Variants in TC2N observed in about 807,000 individuals in gnomAD.
TC2N encodes tandem C2 domains nuclear protein.
TC2N carries 51 observed loss-of-function variants against 61.9 expected under a neutral mutation model. That is an observed-to-expected ratio of 0.82 (90% CI 0.66 to 1.04). The LOEUF is 1.04. TC2N is among the 50% of genes least tolerant of loss of function. The probability of loss-of-function intolerance (pLI) is 0.00; values close to 1 mark genes in which losing one functional copy is unlikely to be tolerated. For synonymous variants in TC2N, 204 were observed against 192.6 expected, an observed-to-expected ratio of 1.06 and a Z score of -0.49; for missense variants, 556 against 566.7, an observed-to-expected ratio of 0.98 and a Z score of 0.19.
chr14:91,804,031 AAGAC>A (rs1886387536), intron 3 of TC2N, among the ~76,000 whole-genome samples: 1 of 152,184 alleles, frequency 6.6e-6, no homozygotes, highest in Non-Finnish European at 1.5e-5. Context: ...CAATAAGAAA[AAGAC>A]AGACGAGACT....
chr14:91,853,759 T>C (rs1239932761), intron 1 of TC2N, among the ~76,000 whole-genome samples: 1 of 152,050 alleles, frequency 6.6e-6, no homozygotes, highest in African/African-American at 2.4e-5. Flanking sequence ...GCAGCACTCC[T>C]AGTTATTAAA....
chr14:91,865,554 A>C (rs144361583), intron 1 of TC2N, among the ~76,000 whole-genome samples: 165 of 152,158 alleles, frequency 1.1e-3, no homozygotes, highest in African/African-American at 3.5e-3. Flanking sequence ...TAATGAAGAG[A>C]TTTGCTAAGT....
At chr14:91,812,208 A>G (rs1886799265) in intron 3 of TC2N, 104 bp downstream of exon 3, 1 of 584,020 alleles carries the variant, frequency 1.7e-6, no homozygotes. Context: ...TAAAAAGTAA[A>G]ATAAAAAAAT....
intron 1 of TC2N, among the ~76,000 whole-genome samples, chr14:91,838,329 A>G (rs912092195): frequency 1.3e-5 from 2 of 151,944 alleles, no homozygotes; most frequent in African/African-American, 4.8e-5. Context: ...ATTTTTTTAT[A>G]GAGACAGGGT....
intron 1 of TC2N, among the ~76,000 whole-genome samples, chr14:91,848,076 T>C (rs1452147643): frequency 6.6e-6 from 1 of 152,210 alleles, no homozygotes; most frequent in Non-Finnish European, 1.5e-5. Context: ...CCAGCAAACC[T>C]CTTATCCCTT....
At chr14:91,853,031 A>C (rs1268874705) in intron 1 of TC2N, among the ~76,000 whole-genome samples, 2 of 152,200 alleles carry the variant, frequency 1.3e-5, no homozygotes, top group African/African-American at 2.4e-5. Flanking sequence ...AGATCCCGCC[A>C]CTGCACTCCA....
chr14:91,787,662 A>G (rs1445494420), intron 9 of TC2N, 35 bp from the exon 10 acceptor site: 1 of 1,296,646 alleles, frequency 7.7e-7, no homozygotes, highest in African/African-American at 1.5e-5. Context: ...GGTAGTTAAG[A>G]ATAAAGTTTT....
At position 91,802,353 on chromosome 14, in the gene TC2N, A is replaced by G. The variant is rs1396074932; in HGVS notation, c.370T>C (p.Tyr124His). The G allele has an allele frequency of 6.2e-7, 1 of 1,612,996 alleles. No individual in the cohort carries two copies. The highest frequency in any genetic ancestry group is 8.5e-7 in the Non-Finnish European group (1 of 1,179,672). Residue 124 changes from tyrosine to histidine, a missense_variant, in exon 4 of 12, where the codon TAT becomes CAT. Coordinates refer to ENST00000435962, the MANE Select transcript of TC2N (RefSeq NM_001128596.3). ...LSSSSQHGPS[Y>H]DVYNPFYMYQ... ...ATATAGAATGGGTTATACACATCATAGCTAGGTCCGTGCTGGGATGAACTG... is the reference window on the plus strand; with the variant it reads ...ATATAGAATGGGTTATACACATCATGGCTAGGTCCGTGCTGGGATGAACTG...
chr14:91,799,951 A>C (rs1304824090), intron 5 of TC2N, among the ~76,000 whole-genome samples: 1 of 152,136 alleles, frequency 6.6e-6, no homozygotes, highest in Non-Finnish European at 1.5e-5. Context: ...AATTTTTAAA[A>C]CTAGCTGGTT....
chr14:91,820,956 C>A (rs1887221522), intron 1 of TC2N, among the ~76,000 whole-genome samples: 1 of 151,902 alleles, frequency 6.6e-6, no homozygotes, highest in African/African-American at 2.4e-5. Flanking sequence ...TAAAGAAGAG[C>A]TCAATACTTG....
At chr14:91,808,977 A>G (rs1280310835) in intron 3 of TC2N, among the ~76,000 whole-genome samples, 1 of 152,168 alleles carries the variant, frequency 6.6e-6, no homozygotes, top group Non-Finnish European at 1.5e-5. Flanking sequence ...GTTAATAAGT[A>G]TGAAAAAAAA....
At chr14:91,848,105 A>T (rs1411649415) in intron 1 of TC2N, among the ~76,000 whole-genome samples, 1 of 152,222 alleles carries the variant, frequency 6.6e-6, no homozygotes, top group Non-Finnish European at 1.5e-5. Flanking sequence ...ATTAGGTCAC[A>T]TGCTTATTTT....
intron 8 of TC2N, among the ~76,000 whole-genome samples, chr14:91,794,441 T>C (rs549548327): frequency 6.6e-6 from 1 of 152,244 alleles, no homozygotes; most frequent in South Asian, 2.1e-4. Context: ...TTCAAAGGAC[T>C]AGGCTGACTC....
chr14:91,805,399 C>T (rs894269522), intron 3 of TC2N, among the ~76,000 whole-genome samples: 26 of 152,236 alleles, frequency 1.7e-4, no homozygotes, highest in African/African-American at 2.7e-4. Context: ...CCAGGCATGG[C>T]GGCTTACGCC....
intron 1 of TC2N, among the ~76,000 whole-genome samples, chr14:91,861,084 G>A (rs1888579559): frequency 6.6e-6 from 1 of 152,074 alleles, no homozygotes; most frequent in Non-Finnish European, 1.5e-5. Flanking sequence ...AAGGAGTGCT[G>A]GAAAGATGTT....
In TC2N at chr14:91,826,594, A is replaced by G. The variant is rs182470468; in HGVS notation, c.-56-12769T>C. On this transcript the variant is annotated intron_variant, in intron 1 of 11. Coordinates refer to ENST00000435962, the MANE Select transcript of TC2N (RefSeq NM_001128596.3). Reference sequence around the variant, plus strand: ...GTCTGATATAACTAGAATTTCTTTCAGTTAATATTTGCATGTTATATCTTC... The same window carrying G: ...GTCTGATATAACTAGAATTTCTTTCGGTTAATATTTGCATGTTATATCTTC... 3.8e-3 allele frequency among the ~76,000 whole-genome samples: 573 copies of G among 152,138 alleles called. 4 individuals are homozygous for G. The highest frequency in any genetic ancestry group is 5.3e-3 in the Non-Finnish European group (360 of 67,974).
intron 5 of TC2N, 34 bp from the exon 6 acceptor site, chr14:91,799,098 C>T (rs779485265): frequency 2.9e-6 from 4 of 1,389,686 alleles, no homozygotes; most frequent in Admixed American, 2.1e-5. Flanking sequence ...TCAGAAATTG[C>T]ATATGAAACC....
At chr14:91,853,749 G>A (rs1204659345) in intron 1 of TC2N, among the ~76,000 whole-genome samples, 2 of 151,090 alleles carry the variant, frequency 1.3e-5, no homozygotes, top group Admixed American at 6.6e-5. Context: ...GCCTGACCTT[G>A]CAGCACTCCT....
In TC2N at chr14:91,812,367, T is replaced by C; in HGVS notation, c.246A>G (p.Leu82=). The part of the protein sequence containing the change: ...EVPFVVPKFK[L]SYIQPRTQET... Reference sequence around the variant, plus strand: ...CTTGTGTCCTGGGTTGAATGTAAGATAACTTAAACTTGGGCACCACAAATG... The same window carrying C: ...CTTGTGTCCTGGGTTGAATGTAAGACAACTTAAACTTGGGCACCACAAATG... Residue 82 remains leucine (L), a synonymous_variant, in exon 3 of 12, where the codon TTA becomes TTG. Transcript: ENST00000435962. 2 of 1,612,734 alleles carry C rather than the reference T, an allele frequency of 1.2e-6. No individual in the cohort carries two copies. The highest frequency in any genetic ancestry group is 3.3e-5 in the Admixed American group (2 of 59,904).
Sources: gnomAD v4.1 joint callset for allele counts (sites outside exome capture counted in the v4.1 genomes callset) on GRCh38, gnomAD v4.1.1 for gene constraint, MANE v1.5 for transcripts, NCBI Gene and HGNC (gene_info 2026-07-23, HGNC 2026-07-21) for gene names.